ZSWIM2: variants seen among roughly 807,000 people sequenced by gnomAD.
The protein encoded by ZSWIM2 is zinc finger SWIM-type containing 2, also known as E3 ubiquitin-protein ligase ZSWIM2.
In ZSWIM2, 38 loss-of-function variants were observed where a neutral mutation model predicts 48.4. The ratio of observed to expected loss-of-function variants is 0.79; its 90% CI spans 0.61 to 1.03. The LOEUF is 1.03. Among genes scored for constraint, ZSWIM2 ranks in the 50% least tolerant of loss-of-function variants. The probability of loss-of-function intolerance (pLI) is 0.00; values close to 1 mark genes in which losing one functional copy is unlikely to be tolerated. For missense variants in ZSWIM2, 776 were observed against 730.2 expected, an observed-to-expected ratio of 1.06 and a Z score of -0.72; for synonymous variants, 240 against 251.3, an observed-to-expected ratio of 0.96 and a Z score of 0.42.
At chr2:186,837,591 G>C (rs750135638) in intron 4 of ZSWIM2, 37 bp from the exon 5 acceptor site, 1 of 1,528,646 alleles carries the variant, frequency 6.5e-7, no homozygotes, top group South Asian at 1.2e-5. Flanking sequence ...CATTTGTATA[G>C]AGCAGTTTTA....
intron 2 of ZSWIM2, among the ~76,000 whole-genome samples, chr2:186,846,810 C>CATATATATATATATATATAT (rs36111849): frequency 0.014 from 2,067 of 143,564 alleles, 21 homozygotes; most frequent in Non-Finnish European, 0.019. Context: ...CACACACACA[C>CATATATATATATATATATAT]ATATATATAT....
intron 5 of ZSWIM2, among the ~76,000 whole-genome samples, chr2:186,835,178 A>G (rs746919674): frequency 2.0e-5 from 3 of 152,096 alleles, no homozygotes; most frequent in Non-Finnish European, 4.4e-5. Context: ...TTTTTTCCCC[A>G]CAGAATGGAA....
chr2:186,831,311 A>G (rs749243044), intron 7 of ZSWIM2, among the ~76,000 whole-genome samples: 1 of 151,140 alleles, frequency 6.6e-6, no homozygotes, highest in East Asian at 1.9e-4. Flanking sequence ...CTATATATCA[A>G]CTGAAGTCTG....
At chr2:186,841,913 A>G (rs1324848532) in intron 3 of ZSWIM2, among the ~76,000 whole-genome samples, 2 of 151,354 alleles carry the variant, frequency 1.3e-5, no homozygotes, top group African/African-American at 4.8e-5. Context: ...CAAAAAGAAG[A>G]TAGTATTCAC....
chr2:186,828,358 A>G lies in ZSWIM2; in HGVS notation c.1528T>C (p.Ser510Pro). 6.2e-7 allele frequency: 1 copy of G among 1,613,776 alleles called. No individual in the cohort carries two copies. The highest frequency in any genetic ancestry group is 8.5e-7 in the Non-Finnish European group (1 of 1,179,816). The change falls in exon 9 of 9, where the codon TCT becomes CCT. Residue 510 changes from serine to proline, a missense_variant. Coordinates refer to ENST00000295131, the MANE Select transcript of ZSWIM2 (RefSeq NM_182521.3). ...LPTVSFGKIP[S>P]QTLLPPIVHK... ...ACAATAGGAGGAAGCAGTGTTTGAG[A>G]TGGTATTTTCCCAAATGACACAGTG... is the stretch of plus-strand genomic sequence containing the variant.
At chr2:186,831,575 C>T (rs192599191) in intron 7 of ZSWIM2, among the ~76,000 whole-genome samples, 92 of 151,878 alleles carry the variant, frequency 6.1e-4, no homozygotes, top group African/African-American at 1.9e-3. Context: ...CACATGCACA[C>T]GTATGTTTAT....
At position 186,837,463 on chromosome 2, in the gene ZSWIM2, G is replaced by A; in HGVS notation, c.586C>T (p.Leu196=). The A allele has an allele frequency of 6.2e-7, 1 of 1,612,646 alleles. No individual in the cohort carries two copies. The highest frequency in any genetic ancestry group is 8.5e-7 in the Non-Finnish European group (1 of 1,179,182). The change falls in exon 5 of 9, where the codon CTG becomes TTG. Residue 196 remains leucine (L), a synonymous_variant. Coordinates refer to ENST00000295131, the MANE Select transcript of ZSWIM2 (RefSeq NM_182521.3). Reference sequence around the variant, plus strand: ...AATGGTGCAAACTCTTTCCTGCACAGAGGACATTTCAACATGGAAGTGTTT... The same window carrying A: ...AATGGTGCAAACTCTTTCCTGCACAAAGGACATTTCAACATGGAAGTGTTT... The part of the protein sequence containing the change: ...TSNTSMLKCP[L]CRKEFAPLKL...
Position 186,827,944 on chromosome 2 carries a change from T to C in ZSWIM2, c.*40A>G. ...TTTATGTTCTATATAAAACATTTTT[T>C]TATATTCAACATTCAAATATTTTCA... On this transcript the variant is annotated 3_prime_UTR_variant, in exon 9 of 9. Coordinates refer to ENST00000295131, the MANE Select transcript of ZSWIM2 (RefSeq NM_182521.3). 1 of 1,441,078 alleles carries C rather than the reference T, an allele frequency of 6.9e-7. No individual in the cohort carries two copies. 89.3% of individuals were successfully genotyped at this position (1,441,078 alleles called of 1,614,324 possible).
intron 5 of ZSWIM2, among the ~76,000 whole-genome samples, chr2:186,836,860 G>T (rs193043997): frequency 6.6e-6 from 1 of 152,158 alleles, no homozygotes; most frequent in Admixed American, 6.6e-5. Flanking sequence ...TGGAGTAGGG[G>T]GGACTGGATT....
chr2:186,846,653 C>T (rs1217078981), intron 2 of ZSWIM2, among the ~76,000 whole-genome samples: 2 of 151,682 alleles, frequency 1.3e-5, no homozygotes, highest in Non-Finnish European at 3.0e-5. Context: ...GGCAAGAAAT[C>T]ATTATATCAA....
At chr2:186,832,558 G>C (rs534031028) in intron 7 of ZSWIM2, among the ~76,000 whole-genome samples, 15 of 152,270 alleles carry the variant, frequency 9.9e-5, no homozygotes, top group African/African-American at 3.6e-4. Flanking sequence ...AGAGGGTAGA[G>C]AGAGGGGGAA....
rs973596425 is a variant in ZSWIM2 at position 186,837,612 on chromosome 2, G to GTGTA, written c.495-59_495-58insTACA. 2.4e-4 allele frequency: 117 copies of GTGTA among 488,056 alleles called. 1 individual carries two copies. The highest frequency in any genetic ancestry group is 1.7e-3 in the African/African-American group (82 of 47,176). The allele number at this position is 488,056 out of a possible 1,614,324, so 30.2% of individuals were successfully genotyped here. A position where few individuals can be genotyped will look rare whatever the true frequency, so the allele number is the denominator to read the frequency against. On this transcript the variant is annotated intron_variant, in intron 4 of 8. Coordinates refer to ENST00000295131, the MANE Select transcript of ZSWIM2 (RefSeq NM_182521.3). ...TATAGAGCAGTTTTACATATCCATT[G>GTGTA]TATATATATATATATATTATATATA...
At chr2:186,832,797 T>C (rs985522677) in intron 7 of ZSWIM2, among the ~76,000 whole-genome samples, 11 of 152,290 alleles carry the variant, frequency 7.2e-5, no homozygotes, top group African/African-American at 2.4e-4. Context: ...ATTGTGTTTG[T>C]TAACTCATTT....
chr2:186,847,728 T>C lies in ZSWIM2; in HGVS notation c.233A>G (p.His78Arg), dbSNP rs746323269. 1 of 1,604,138 alleles carries C rather than the reference T, an allele frequency of 6.2e-7. No homozygotes were observed. The highest frequency in any genetic ancestry group is 1.1e-5 in the South Asian group (1 of 89,284). The change falls in exon 2 of 9, where the codon CAT becomes CGT. Residue 78 changes from histidine (H) to arginine (R), a missense_variant. Transcript: ENST00000295131. ...TFPKGGELCK[H>R]ICWVLLKKFK... ...TTGAAAAGTCACTTACCAGCAGATA[T>C]GCTTACAAAGTTCCCCTCCTTTCGG...
intron 1 of ZSWIM2, 36 bp downstream of exon 1, chr2:186,848,930 T>A: frequency 6.2e-7 from 1 of 1,612,240 alleles, no homozygotes; most frequent in Non-Finnish European, 8.5e-7. Context: ...TGGGCGGGGA[T>A]GATGGCCAAC....
chr2:186,840,031 G>C (rs989803309), intron 3 of ZSWIM2, among the ~76,000 whole-genome samples: 1 of 23,582 alleles, frequency 4.2e-5, no homozygotes, highest in African/African-American at 1.5e-4. Context: ...GAAATGCTCT[G>C]TTTTTCTGGA....
intron 1 of ZSWIM2, chr2:186,848,725 T>C: frequency 2.2e-6 from 1 of 454,444 alleles, no homozygotes; most frequent in Non-Finnish European, 4.0e-6. Context: ...AGAGCCATCA[T>C]CTTTTACAAG....
intron 3 of ZSWIM2, among the ~76,000 whole-genome samples, chr2:186,840,582 T>C (rs10207244): frequency 0.15 from 22,098 of 151,422 alleles, 2,529 homozygotes; most frequent in African/African-American, 0.33. Context: ...AACTGTTAAC[T>C]GAGATAACTG....
intron 4 of ZSWIM2, among the ~76,000 whole-genome samples, chr2:186,838,531 T>C (rs1019928175): frequency 2.0e-5 from 3 of 150,046 alleles, no homozygotes; most frequent in Non-Finnish European, 4.5e-5. Flanking sequence ...AACACAGAAA[T>C]TACTCTACCC....
Sources: allele counts gnomAD v4.1 joint callset (sites outside exome capture counted in the v4.1 genomes callset), GRCh38; gene constraint gnomAD v4.1.1; transcripts MANE v1.5; gene names NCBI Gene and HGNC (gene_info 2026-07-23, HGNC 2026-07-21).